IRAK1BP1: variants seen among roughly 807,000 people sequenced by gnomAD.
IRAK1BP1 encodes interleukin 1 receptor associated kinase 1 binding protein 1, also known as interleukin-1 receptor-associated kinase 1-binding protein 1.
A neutral mutation model predicts 28.0 loss-of-function variants in IRAK1BP1; 24 were observed. The ratio of observed to expected loss-of-function variants is 0.86; its 90% CI spans 0.62 to 1.20. The LOEUF is 1.20. IRAK1BP1 is among the 50% of genes most tolerant of loss of function. IRAK1BP1 has a pLI of 0.00. For synonymous variants in IRAK1BP1, 131 were observed against 116.3 expected (o/e 1.13, Z -0.81); for missense variants, 336 against 316.7 (o/e 1.06, Z -0.46).
chr6:78,903,225 G>A, downstream of IRAK1BP1: 2 of 563,070 alleles, frequency 3.6e-6, no homozygotes, highest in Non-Finnish European at 6.1e-6. Context: ...GCTCACATGT[G>A]TAATCCCAAC....
At position 78,902,875 on chromosome 6, in the gene IRAK1BP1, A is replaced by G. The variant is rs538686134; in HGVS notation, c.*4541A>G. ...GTTCACAGTGGGTAATTCAAATCAG[A>G]CACTGCTCTTCAAGAGAGGTAATAT... is the stretch of plus-strand genomic sequence containing the variant. On this transcript the variant is annotated 3_prime_UTR_variant, in exon 4 of 4. Transcript: ENST00000369940. 23 of 624,954 alleles carry G rather than the reference A, an allele frequency of 3.7e-5. 1 individual carries two copies. The highest frequency in any genetic ancestry group is 2.9e-4 in the African/African-American group (16 of 54,572). 38.7% of individuals were successfully genotyped at this position (624,954 alleles called of 1,614,324 possible).
downstream of IRAK1BP1, among the ~76,000 whole-genome samples, chr6:78,948,302 A>G (rs76959497): frequency 0.016 from 2,362 of 152,246 alleles, 29 homozygotes; most frequent in Non-Finnish European, 0.022. Flanking sequence ...ACGAATGTAA[A>G]TAGTTGTCAC....
At chr6:78,924,056 A>T (rs1772819699) in intron 4 of IRAK1BP1, among the ~76,000 whole-genome samples, 1 of 152,206 alleles carries the variant, frequency 6.6e-6, no homozygotes, top group Admixed American at 6.5e-5. Flanking sequence ...GAAGGCAAGA[A>T]ATAACTAAGA....
intron 4 of IRAK1BP1, among the ~76,000 whole-genome samples, chr6:78,944,458 A>G (rs542376685): frequency 3.3e-5 from 5 of 152,194 alleles, no homozygotes; most frequent in Non-Finnish European, 7.4e-5. Flanking sequence ...AAAATAGTCC[A>G]AGCAAGAAAT....
At chr6:78,972,191 A>C in the IRAK1BP1 span, among the ~76,000 whole-genome samples, 2 of 152,226 alleles carry the variant, frequency 1.3e-5, no homozygotes, top group Non-Finnish European at 2.9e-5. Context: ...GAGAACGGGC[A>C]GACTGCCTCC....
the IRAK1BP1 span, chr6:78,955,307 T>G: frequency 6.4e-7 from 1 of 1,554,078 alleles, no homozygotes; most frequent in South Asian, 1.1e-5. Context: ...TTTACCAGAT[T>G]CATAAAACAT....
At chr6:78,962,502 C>G in the IRAK1BP1 span, among the ~76,000 whole-genome samples, 1 of 152,080 alleles carries the variant, frequency 6.6e-6, no homozygotes. Flanking sequence ...GTCCATCCAG[C>G]TCTTCTTACT....
intron 4 of IRAK1BP1, among the ~76,000 whole-genome samples, chr6:78,941,943 T>C (rs928447448): frequency 2.6e-5 from 4 of 152,128 alleles, no homozygotes; most frequent in Non-Finnish European, 4.4e-5. Flanking sequence ...GATCTGGAGA[T>C]GATGAATTAC....
In IRAK1BP1 at chr6:78,875,275, C is replaced by G. The variant is rs545461841; in HGVS notation, c.315+7384C>G. Among the ~76,000 whole-genome samples the G allele has an allele frequency of 2.2e-4, 33 of 152,234 alleles. No individual in the cohort carries two copies. In the South Asian group the frequency reaches 6.0e-3, roughly 28 times the overall value. ...GTAGAGAAAGAGGAGTGCTTATACTCTTGGTGGAAATGTAAATTAGTTCTG... is the reference window on the plus strand; with the variant it reads ...GTAGAGAAAGAGGAGTGCTTATACTGTTGGTGGAAATGTAAATTAGTTCTG... On this transcript the variant is annotated intron_variant, in intron 1 of 3. Coordinates refer to ENST00000369940, the MANE Select transcript of IRAK1BP1 (RefSeq NM_001010844.4).
the IRAK1BP1 span, among the ~76,000 whole-genome samples, chr6:78,966,251 A>G: frequency 2.0e-5 from 3 of 152,240 alleles, no homozygotes; most frequent in African/African-American, 4.8e-5. Flanking sequence ...GCATACTTGA[A>G]GTGTGACTTA....
At chr6:78,892,804 A>G (rs1009076227) in intron 2 of IRAK1BP1, among the ~76,000 whole-genome samples, 6 of 152,308 alleles carry the variant, frequency 3.9e-5, no homozygotes, top group Non-Finnish European at 7.4e-5. Context: ...TAGGATTAAC[A>G]GCAAATTAGA....
rs1772084867 is a variant in IRAK1BP1, at chr6:78,901,243, G to A, written c.*2909G>A. 6.6e-6 allele frequency: 1 copy of A among 150,538 alleles called. No individual in the cohort carries two copies. Among genetic ancestry groups the A allele is most frequent in the East Asian group, 1.9e-4 (1 of 5,154 alleles). 9.3% of individuals were successfully genotyped at this position (150,538 alleles called of 1,614,324 possible). A position where few individuals can be genotyped will look rare whatever the true frequency, so the allele number is the denominator to read the frequency against. ...ATTTCCAGGAACTTTTAAAGATGTT[G>A]TCTCCAAAAAAAACAAAAAAATCCT... On this transcript the variant is annotated 3_prime_UTR_variant, in exon 4 of 4. Coordinates refer to ENST00000369940, the MANE Select transcript of IRAK1BP1 (RefSeq NM_001010844.4).
chr6:78,962,677 T>C, the IRAK1BP1 span, among the ~76,000 whole-genome samples: 8 of 152,224 alleles, frequency 5.3e-5, no homozygotes, highest in Non-Finnish European at 1.2e-4. Flanking sequence ...ATATACCCTC[T>C]CCTCTCCCCT....
downstream of IRAK1BP1, among the ~76,000 whole-genome samples, chr6:78,948,746 G>C (rs935846469): frequency 2.6e-5 from 4 of 152,126 alleles, no homozygotes; most frequent in African/African-American, 4.8e-5. Flanking sequence ...TGCCCGTCTT[G>C]ACCTCCCAAA....
chr6:78,958,695 G>T, the IRAK1BP1 span: 1 of 764,628 alleles, frequency 1.3e-6, no homozygotes, highest in Non-Finnish European at 2.3e-6. Context: ...TTCAACTTCA[G>T]TCTAAACCAA....
intron 1 of IRAK1BP1, among the ~76,000 whole-genome samples, chr6:78,880,760 A>G (rs1164803106): frequency 6.6e-6 from 1 of 152,244 alleles, no homozygotes; most frequent in Non-Finnish European, 1.5e-5. Flanking sequence ...CAGATGGCAA[A>G]TAGGCACATG....
At chr6:78,913,945 T>C (rs1043823979) in intron 4 of IRAK1BP1, among the ~76,000 whole-genome samples, 4 of 152,228 alleles carry the variant, frequency 2.6e-5, no homozygotes, top group Non-Finnish European at 4.4e-5. Context: ...TGACAGAATA[T>C]AGAATCTATA....
At chr6:78,895,990 A>T (rs769859269) in intron 2 of IRAK1BP1, among the ~76,000 whole-genome samples, 3 of 152,212 alleles carry the variant, frequency 2.0e-5, no homozygotes, top group Non-Finnish European at 2.9e-5. Flanking sequence ...TAGAACTAGT[A>T]AACATCAAAA....
At chr6:78,965,834 A>G in the IRAK1BP1 span, 1 of 1,173,828 alleles carries the variant, frequency 8.5e-7, no homozygotes, top group South Asian at 1.3e-5. Flanking sequence ...AAAATCAATT[A>G]TCAAAATAAT....
Sources: gnomAD v4.1 joint callset for allele counts (sites outside exome capture counted in the v4.1 genomes callset) on GRCh38, gnomAD v4.1.1 for gene constraint, MANE v1.5 for transcripts, NCBI Gene and HGNC (gene_info 2026-07-23, HGNC 2026-07-21) for gene names.